Variants in RBFOX1 observed in about 807,000 individuals in gnomAD.
RBFOX1 encodes RNA binding protein fox-1 homolog 1.
Under a neutral mutation model 57.7 loss-of-function variants are expected in RBFOX1, and 8 were observed. The ratio of observed to expected loss-of-function variants is 0.14; its 90% CI spans 0.08 to 0.25. The LOEUF (loss-of-function observed/expected upper bound fraction) is 0.25, where lower values mean the gene tolerates loss of function less well. Ranked by LOEUF, RBFOX1 falls within the 10% of genes least tolerant of loss-of-function variation. The pLI is 1.00. For missense variants in RBFOX1, 611 were observed against 548.5 expected, an observed-to-expected ratio of 1.11 and a Z score of -1.14; for synonymous variants, 326 against 222.4, an observed-to-expected ratio of 1.47 and a Z score of -4.15.
intron 3 of RBFOX1, among the ~76,000 whole-genome samples, chr16:6,772,705 T>G (rs1051686798): frequency 3.5e-5 from 5 of 143,840 alleles, no homozygotes; most frequent in Non-Finnish European, 6.0e-5. Flanking sequence ...GGGTGTGGGA[T>G]GCATTTGTAT....
intron 2 of RBFOX1, among the ~76,000 whole-genome samples, chr16:6,398,837 A>G (rs1009487986): frequency 2.0e-4 from 31 of 152,324 alleles, no homozygotes; most frequent in Middle Eastern, 3.4e-3. Flanking sequence ...TCTGGAGGAT[A>G]GTGGTCCTCT....
intron 1 of RBFOX1, among the ~76,000 whole-genome samples, chr16:6,173,482 C>T (rs1036323234): frequency 2.6e-5 from 4 of 152,134 alleles, no homozygotes; most frequent in African/African-American, 4.8e-5. Flanking sequence ...CACACACACA[C>T]TCCACTCACC....
At chr16:5,978,626 G>A (rs2060113547) in intron 4 of RBFOX1, among the ~76,000 whole-genome samples, 1 of 150,002 alleles carries the variant, frequency 6.7e-6, no homozygotes, top group African/African-American at 2.5e-5. Flanking sequence ...AATCTCCTCT[G>A]TTATGTGAAA....
At chr16:6,168,276 G>A (rs1245399414) in intron 1 of RBFOX1, among the ~76,000 whole-genome samples, 1 of 152,204 alleles carries the variant, frequency 6.6e-6, no homozygotes, top group African/African-American at 2.4e-5. Flanking sequence ...GGTGCGGAGG[G>A]TTTCAGGCCC....
chr16:6,837,477 A>G (rs888441714), intron 3 of RBFOX1, among the ~76,000 whole-genome samples: 1 of 152,198 alleles, frequency 6.6e-6, no homozygotes, highest in African/African-American at 2.4e-5. Flanking sequence ...GGTGATGAGA[A>G]CTAGACATGG....
chr16:6,778,976 C>G (rs974388310), intron 3 of RBFOX1, among the ~76,000 whole-genome samples: 5 of 151,764 alleles, frequency 3.3e-5, no homozygotes, highest in Non-Finnish European at 5.9e-5. Flanking sequence ...ATTGAAGTAG[C>G]CTAACTTTAA....
At chr16:6,571,899 C>T (rs1276750840) in intron 2 of RBFOX1, among the ~76,000 whole-genome samples, 1 of 150,822 alleles carries the variant, frequency 6.6e-6, no homozygotes, top group Non-Finnish European at 1.5e-5. Flanking sequence ...CTGTTGGTAA[C>T]ATTTGATTAA....
intron 1 of RBFOX1, among the ~76,000 whole-genome samples, chr16:5,375,401 G>T (rs1046279092): frequency 1.3e-5 from 2 of 152,178 alleles, no homozygotes; most frequent in Non-Finnish European, 2.9e-5. Flanking sequence ...TGAATCTCCA[G>T]GGCTTGTGGG....
chr16:6,702,399 C>G (rs116942595), intron 3 of RBFOX1, among the ~76,000 whole-genome samples: 1 of 152,096 alleles, frequency 6.6e-6, no homozygotes, highest in Admixed American at 6.5e-5. Context: ...ACTAAAAATA[C>G]AAAAATCTGC....
intron 10 of RBFOX1, among the ~76,000 whole-genome samples, chr16:7,619,652 C>G (rs1233069886): frequency 6.6e-6 from 1 of 152,152 alleles, no homozygotes; most frequent in Non-Finnish European, 1.5e-5. Context: ...TAGGCTCTTA[C>G]AGCATCTTAG....
At chr16:7,247,768 G>T (rs1425160920) in intron 4 of RBFOX1, among the ~76,000 whole-genome samples, 1 of 152,160 alleles carries the variant, frequency 6.6e-6, no homozygotes, top group African/African-American at 2.4e-5. Flanking sequence ...GGTCGGTGCT[G>T]TTCATCTAGG....
At chr16:7,063,756 T>G (rs564596600) in intron 4 of RBFOX1, among the ~76,000 whole-genome samples, 1 of 152,342 alleles carries the variant, frequency 6.6e-6, no homozygotes, top group Admixed American at 6.5e-5. Flanking sequence ...TGCAGACTTT[T>G]TGTCATCATT....
intron 2 of RBFOX1, among the ~76,000 whole-genome samples, chr16:6,392,700 T>C (rs1362948866): frequency 6.6e-6 from 1 of 152,202 alleles, no homozygotes; most frequent in African/African-American, 2.4e-5. Context: ...TCCATAAATA[T>C]CTGGGGGCAC....
chr16:5,452,211 C>T (rs554640573), intron 1 of RBFOX1, among the ~76,000 whole-genome samples: 17 of 149,988 alleles, frequency 1.1e-4, no homozygotes, highest in South Asian at 6.4e-4. Context: ...CTCTGCTTCT[C>T]GGGTTCAAAC....
chr16:5,733,366 T>C (rs1250487871), intron 3 of RBFOX1, among the ~76,000 whole-genome samples: 1 of 152,152 alleles, frequency 6.6e-6, no homozygotes, highest in South Asian at 2.1e-4. Flanking sequence ...GGAAGGCCAC[T>C]GGGGAAGCAA....
In RBFOX1 at chr16:7,427,249, G is replaced by T. The variant is rs564220550; in HGVS notation, c.28-90898G>T. Among the ~76,000 whole-genome samples the T allele has an allele frequency of 6.6e-5, 10 of 152,230 alleles. 1 individual carries two copies. In the East Asian group the frequency reaches 1.9e-3, roughly 29 times the overall value. ...CTGCATGTTGTGCACATGTACCCTA[G>T]AACTTAAAGTATAATAAAAATTAAT... On this transcript the variant is annotated intron_variant, in intron 4 of 15. Transcript: ENST00000550418.
At chr16:7,012,345 G>T (rs2093692303) in intron 3 of RBFOX1, among the ~76,000 whole-genome samples, 1 of 152,174 alleles carries the variant, frequency 6.6e-6, no homozygotes, top group Non-Finnish European at 1.5e-5. Flanking sequence ...ACCTGGGACT[G>T]AATCAGGTCT....
intron 4 of RBFOX1, among the ~76,000 whole-genome samples, chr16:5,959,163 G>A (rs2059702551): frequency 1.3e-5 from 2 of 152,314 alleles, no homozygotes; most frequent in African/African-American, 4.8e-5. Flanking sequence ...TCCTGTTCCA[G>A]TGAGCACTGA....
chr16:6,137,880 G>C (rs572960096), intron 1 of RBFOX1, among the ~76,000 whole-genome samples: 1 of 152,042 alleles, frequency 6.6e-6, no homozygotes, highest in Non-Finnish European at 1.5e-5. Context: ...AAAGTGTTGG[G>C]ATCACAGACA....
Sources: allele counts gnomAD v4.1 joint callset (sites outside exome capture counted in the v4.1 genomes callset), GRCh38; gene constraint gnomAD v4.1.1; transcripts MANE v1.5; gene names NCBI Gene and HGNC (gene_info 2026-07-23, HGNC 2026-07-21).